Variants in ZFR observed in about 807,000 individuals in gnomAD.
ZFR encodes zinc finger RNA binding protein.
Under a neutral mutation model 130.7 loss-of-function variants are expected in ZFR, and 19 were observed. The observed-to-expected ratio is 0.15, with a 90% CI of 0.10 to 0.21. The LOEUF (loss-of-function observed/expected upper bound fraction) is 0.21. Among genes scored for constraint, ZFR ranks in the 10% least tolerant of loss-of-function variants. The pLI, the probability that ZFR is intolerant of heterozygous loss-of-function variation, is 1.00. For missense variants in ZFR, 872 were observed against 1,321.5 expected (o/e 0.66, Z 5.27); for synonymous variants, 466 against 456.9 (o/e 1.02, Z -0.25).
At chr5:32,433,148 T>C (rs757870811) in intron 2 of ZFR, among the ~76,000 whole-genome samples, 2 of 152,210 alleles carry the variant, frequency 1.3e-5, no homozygotes, top group Non-Finnish European at 2.9e-5. Context: ...TGAAAATTGT[T>C]AATTTTCTTG....
Position 32,355,953 on chromosome 5 carries a change from A to G in ZFR, c.3046-14T>C. The G allele has an allele frequency of 6.4e-7, 1 of 1,570,166 alleles. No individual in the cohort carries two copies. Among genetic ancestry groups the G allele is most frequent in the Non-Finnish European group, 8.6e-7 (1 of 1,163,098 alleles). On this transcript the variant is annotated splice_polypyrimidine_tract_variant and intron_variant, in intron 19 of 19. Transcript: ENST00000265069. ...TCTCAATGCAAACTGCAACAAAGAG[A>G]GTCAGAATTTTGAGTTAATTGAAAA...
rs1185569291 is a variant in ZFR at position 32,396,047 on chromosome 5, C to T, written c.1834-743G>A. Reference sequence around the variant, plus strand: ...GACTAGCCCGGCCAACATGGTGAAACGTTCTCTAGAAAAATACAAAAGCTA... The same window carrying T: ...GACTAGCCCGGCCAACATGGTGAAATGTTCTCTAGAAAAATACAAAAGCTA... On this transcript the variant is annotated intron_variant, in intron 10 of 19. Transcript: ENST00000265069. 2.6e-5 allele frequency among the ~76,000 whole-genome samples: 4 copies of T among 151,878 alleles called. No homozygotes were observed. The East Asian group carries it at 5.8e-4, about 22-fold the overall frequency.
rs1465041479 is a variant in ZFR, at chr5:32,388,640, T to C, written c.2177A>G (p.Tyr726Cys). ...LRRPDSSDDR[Y>C]VMTKHATIYP... is the part of the protein sequence containing the mutation. ...AATGGTGGCATGTTTTGTCATTACA[T>C]AACGGTCATCAGATGAGTCAGGACG... Residue 726 changes from tyrosine (Y) to cysteine (C), a missense_variant, in exon 13 of 20, where the codon TAT becomes TGT. By Grantham distance (194) the Tyr-to-Cys change is radical. Transcript: ENST00000265069. The C allele has an allele frequency of 2.5e-6, 4 of 1,613,910 alleles. No homozygotes were observed. The highest frequency in any genetic ancestry group is 2.5e-6 in the Non-Finnish European group (3 of 1,179,920).
At chr5:32,367,118 G>A (rs1473383694) in intron 17 of ZFR, among the ~76,000 whole-genome samples, 2 of 151,872 alleles carry the variant, frequency 1.3e-5, no homozygotes, top group Non-Finnish European at 2.9e-5. Flanking sequence ...TCCTAGACTG[G>A]AAAGCAGTGG....
At chr5:32,417,603 A>T (rs1377383833) in intron 4 of ZFR, 45 bp downstream of exon 4, 1 of 1,603,116 alleles carries the variant, frequency 6.2e-7, no homozygotes, top group South Asian at 1.1e-5. Flanking sequence ...TAAGTCATAT[A>T]CTTCAATAGT....
In ZFR at chr5:32,407,031, A is replaced by C; in HGVS notation, c.785-10T>G. 6.8e-7 allele frequency: 1 copy of C among 1,463,368 alleles called. No individual in the cohort carries two copies. Among genetic ancestry groups the C allele is most frequent in the Non-Finnish European group, 9.0e-7 (1 of 1,106,592 alleles). The allele number at this position is 1,463,368 out of a possible 1,614,324, so 90.6% of individuals were successfully genotyped here. ...CCTGAATAAGACGTACCTTACAAAT[A>C]AAAATCAAACAAAAATTATGTTACA... On this transcript the variant is annotated splice_polypyrimidine_tract_variant and intron_variant, in intron 5 of 19. Coordinates refer to ENST00000265069, the MANE Select transcript of ZFR (RefSeq NM_016107.5).
intron 17 of ZFR, among the ~76,000 whole-genome samples, chr5:32,368,987 G>C (rs77000995): frequency 1.8e-3 from 271 of 152,318 alleles, no homozygotes; most frequent in Non-Finnish European, 2.8e-3. Flanking sequence ...TGATTTGTAA[G>C]CCCATTTGCA....
chr5:32,383,760 C>A, intron 15 of ZFR: 1 of 456,616 alleles, frequency 2.2e-6, no homozygotes, highest in Non-Finnish European at 4.4e-6. Context: ...AGAATACATA[C>A]CGTTATTCTG....
intron 19 of ZFR, among the ~76,000 whole-genome samples, chr5:32,362,175 A>G (rs1752449156): frequency 6.6e-6 from 1 of 152,212 alleles, no homozygotes; most frequent in African/African-American, 2.4e-5. Context: ...TTAAAGGTTT[A>G]TTTTATAATC....
At chr5:32,390,460 A>T in intron 11 of ZFR, 23 bp from the exon 12 acceptor site, 1 of 1,599,668 alleles carries the variant, frequency 6.3e-7, no homozygotes, top group Non-Finnish European at 8.6e-7. Context: ...GAATGACATT[A>T]TAAGCATATG....
rs750975234 is a variant in ZFR at position 32,403,983 on chromosome 5, G to A, written c.1147C>T (p.Arg383Cys). The A allele has an allele frequency of 1.9e-6, 3 of 1,614,084 alleles. No individual in the cohort carries two copies. Among genetic ancestry groups the A allele is most frequent in the Non-Finnish European group, 1.7e-6 (2 of 1,179,978 alleles). ...SSTRGTQNQL[R>C]CELCDVSCTG... ...CAAGACACATCGCAGAGCTCACAAC[G>A]TAGCTGATTTTGAGTCCCACGAGTA... is the stretch of plus-strand genomic sequence containing the variant. Residue 383 changes from arginine (R) to cysteine (C), a missense_variant, in exon 7 of 20, where the codon CGT becomes TGT. Arg to Cys is a radical substitution (Grantham distance 180). Coordinates refer to ENST00000265069, the MANE Select transcript of ZFR (RefSeq NM_016107.5).
intron 14 of ZFR, among the ~76,000 whole-genome samples, chr5:32,387,079 C>T (rs951299784): frequency 3.7e-4 from 57 of 152,054 alleles, no homozygotes; most frequent in African/African-American, 1.3e-3. Flanking sequence ...ATGTAGAAAA[C>T]TGAAAATATT....
Position 32,400,167 on chromosome 5 carries a change from T to C in ZFR, c.1553A>G (p.Glu518Gly). 6.2e-7 allele frequency: 1 copy of C among 1,610,312 alleles called. No homozygotes were observed. The highest frequency in any genetic ancestry group is 8.5e-7 in the Non-Finnish European group (1 of 1,177,850). ...NKLQSTGNKA[E>G]DIKGTECVKS... ...AACACATTCGGTTCCTTTTATGTCT[T>C]CTGCTTTATTTCCTGTTGACTGCAG... The change falls in exon 9 of 20, where the codon GAA becomes GGA. Residue 518 changes from glutamate (E) to glycine (G), a missense_variant. By Grantham distance (98) the Glu-to-Gly change is moderately conservative. Transcript: ENST00000265069.
chr5:32,376,028 A>C (rs556154754), intron 17 of ZFR, among the ~76,000 whole-genome samples: 27 of 150,860 alleles, frequency 1.8e-4, no homozygotes, highest in African/African-American at 6.6e-4. Flanking sequence ...TTTTTAGTAG[A>C]GATGGGGTTT....
chr5:32,419,165 G>A (rs372957247), intron 3 of ZFR, among the ~76,000 whole-genome samples: 3 of 152,126 alleles, frequency 2.0e-5, no homozygotes, highest in South Asian at 4.1e-4. Flanking sequence ...TACAAACAAG[G>A]GAAGTCTTTT....
At chr5:32,438,247 C>G (rs1029090149) in intron 2 of ZFR, among the ~76,000 whole-genome samples, 3 of 80,214 alleles carry the variant, frequency 3.7e-5, no homozygotes, top group South Asian at 8.0e-4. Context: ...CTGATTTTAT[C>G]TGAAAATTTT....
intron 5 of ZFR, among the ~76,000 whole-genome samples, chr5:32,407,269 T>C (rs1315250112): frequency 6.6e-6 from 1 of 151,838 alleles, no homozygotes; most frequent in Non-Finnish European, 1.5e-5. Flanking sequence ...GTCCCTGCCT[T>C]GAAGAACCTT....
intron 2 of ZFR, among the ~76,000 whole-genome samples, chr5:32,438,052 C>G (rs957425572): frequency 6.6e-6 from 1 of 152,052 alleles, no homozygotes; most frequent in African/African-American, 2.4e-5. Context: ...GTTTTTCACT[C>G]ATGAACACAG....
chr5:32,392,894 C>G (rs1753214237), intron 11 of ZFR, among the ~76,000 whole-genome samples: 1 of 152,128 alleles, frequency 6.6e-6, no homozygotes, highest in South Asian at 2.1e-4. Flanking sequence ...ACTTGGGAGG[C>G]TGAGGCAAGA....
Sources: allele counts gnomAD v4.1 joint callset (sites outside exome capture counted in the v4.1 genomes callset), GRCh38; gene constraint gnomAD v4.1.1; transcripts MANE v1.5; gene names NCBI Gene and HGNC (gene_info 2026-07-23, HGNC 2026-07-21).